Variants in DLGAP2 observed in about 807,000 individuals in gnomAD.
The protein encoded by DLGAP2 is DLG associated protein 2.
A neutral mutation model predicts 100.3 loss-of-function variants in DLGAP2; 26 were observed. The observed-to-expected ratio is 0.26, with a 90% confidence interval of 0.19 to 0.36. The LOEUF (loss-of-function observed/expected upper bound fraction) is 0.36. Ranked by LOEUF, DLGAP2 falls within the 10% of genes least tolerant of loss-of-function variation. The pLI is 1.00. For missense variants in DLGAP2, 1,858 were observed against 1,453.2 expected (o/e 1.28, Z -4.53); for synonymous variants, 886 against 630.1 (o/e 1.41, Z -6.08).
rs192217960 is a variant in DLGAP2 at position 1,503,690 on chromosome 8, A to G, written c.172+2259A>G. Among the ~76,000 whole-genome samples, 14 of 152,262 alleles carry G rather than the reference A, an allele frequency of 9.2e-5. No homozygotes were observed. The East Asian group carries it at 2.5e-3, about 27-fold the overall frequency. ...TGCTTCCTCGTTTTGAGGAACCTCC[A>G]CACTGCTTAGGGACAGGGTGTGCTT... On this transcript the variant is annotated intron_variant, in intron 4 of 14. Coordinates refer to ENST00000637795, the MANE Select transcript of DLGAP2 (RefSeq NM_001346810.2).
chr8:1,145,374 C>T (rs186958732), intron 2 of DLGAP2, among the ~76,000 whole-genome samples: 3 of 152,294 alleles, frequency 2.0e-5, no homozygotes, highest in East Asian at 3.9e-4. Flanking sequence ...TTGTTGGCTG[C>T]GGTTCCACTC....
intron 2 of DLGAP2, among the ~76,000 whole-genome samples, chr8:967,010 T>C (rs570414753): frequency 6.6e-6 from 1 of 152,262 alleles, no homozygotes; most frequent in East Asian, 1.9e-4. Context: ...ATATGGATGC[T>C]CCATCACATG....
intron 6 of DLGAP2, among the ~76,000 whole-genome samples, chr8:1,622,722 T>TA (rs897508834): frequency 1.2e-4 from 18 of 151,966 alleles, no homozygotes; most frequent in African/African-American, 2.9e-4. Flanking sequence ...TTTCACTATT[T>TA]AAAAAAAAAT....
chr8:845,335 T>C (rs1454907506), intron 1 of DLGAP2, among the ~76,000 whole-genome samples: 1 of 152,214 alleles, frequency 6.6e-6, no homozygotes. Flanking sequence ...CTATCCATCC[T>C]AAGTGGTGTG....
chr8:1,672,928 A>G (rs1222026713), intron 10 of DLGAP2, among the ~76,000 whole-genome samples: 1 of 152,224 alleles, frequency 6.6e-6, no homozygotes, highest in Non-Finnish European at 1.5e-5. Flanking sequence ...ACCCTGGCCC[A>G]GTATTACTAG....
chr8:1,160,316 G>A (rs1796865719), intron 2 of DLGAP2, among the ~76,000 whole-genome samples: 1 of 152,202 alleles, frequency 6.6e-6, no homozygotes, highest in African/African-American at 2.4e-5. Flanking sequence ...TGCCTGGTTA[G>A]CAGGGTCCTT....
At chr8:1,604,208 C>G (rs918144841) in intron 6 of DLGAP2, among the ~76,000 whole-genome samples, 2 of 152,074 alleles carry the variant, frequency 1.3e-5, no homozygotes, top group African/African-American at 4.8e-5. Flanking sequence ...TAGGTAACTG[C>G]GGGAGAAGGG....
At chr8:1,381,600 C>T (rs1427111570) in intron 3 of DLGAP2, among the ~76,000 whole-genome samples, 2 of 152,148 alleles carry the variant, frequency 1.3e-5, no homozygotes, top group African/African-American at 4.8e-5. Context: ...TGGGCCCTGG[C>T]GCCCACTCTT....
intron 3 of DLGAP2, among the ~76,000 whole-genome samples, chr8:1,418,588 G>A (rs912244025): frequency 2.6e-5 from 4 of 152,078 alleles, no homozygotes; most frequent in African/African-American, 7.2e-5. Flanking sequence ...ACTCCACTCC[G>A]ACGCCAAATA....
intron 5 of DLGAP2, among the ~76,000 whole-genome samples, chr8:1,561,052 G>A (rs555901098): frequency 1.3e-5 from 2 of 152,308 alleles, no homozygotes; most frequent in Middle Eastern, 3.4e-3. Context: ...GAATCATGGG[G>A]TGGGTCTTTC....
Position 987,151 on chromosome 8 carries a change from C to T in DLGAP2, c.73+79185C>T, listed in dbSNP as rs540575557. On this transcript the variant is annotated intron_variant, in intron 2 of 14. Transcript: ENST00000637795. Reference sequence around the variant, plus strand: ...TCCTGAATTCTCTCTGCTCTCCTTCCTATTCAGTGGTGCCACCGGAGGTTG... The same window carrying T: ...TCCTGAATTCTCTCTGCTCTCCTTCTTATTCAGTGGTGCCACCGGAGGTTG... 9.2e-5 allele frequency among the ~76,000 whole-genome samples: 14 copies of T among 152,256 alleles called. No homozygotes were observed. In the South Asian group the frequency reaches 2.9e-3, roughly 32 times the overall value.
intron 10 of DLGAP2, 122 bp downstream of exon 10, chr8:1,669,906 C>A: frequency 2.8e-6 from 2 of 717,454 alleles, no homozygotes; most frequent in Admixed American, 1.9e-5. Context: ...AGGCACTATG[C>A]TGGGTGCTCC....
intron 2 of DLGAP2, among the ~76,000 whole-genome samples, chr8:1,049,560 C>T (rs779221673): frequency 3.3e-5 from 5 of 152,006 alleles, no homozygotes; most frequent in Middle Eastern, 3.2e-3. Flanking sequence ...AAAGGTAGGG[C>T]GTATACAAAA....
chr8:1,224,980 A>G (rs945466904), intron 2 of DLGAP2, among the ~76,000 whole-genome samples: 1 of 152,250 alleles, frequency 6.6e-6, no homozygotes, highest in Non-Finnish European at 1.5e-5. Context: ...TGAAATCCTC[A>G]TATGTTGCTG....
intron 3 of DLGAP2, among the ~76,000 whole-genome samples, chr8:1,417,645 G>A (rs913419841): frequency 2.7e-5 from 4 of 149,078 alleles, no homozygotes; most frequent in African/African-American, 1.0e-4. Context: ...GGGGGCACGG[G>A]GAGCCCCACT....
At chr8:1,198,283 C>G (rs770474373) in intron 2 of DLGAP2, among the ~76,000 whole-genome samples, 2 of 152,128 alleles carry the variant, frequency 1.3e-5, no homozygotes, top group Non-Finnish European at 2.9e-5. Flanking sequence ...TTGTAAGCTT[C>G]AAGTTTGTGA....
intron 2 of DLGAP2, among the ~76,000 whole-genome samples, chr8:1,199,259 G>A (rs1299745092): frequency 2.0e-5 from 3 of 152,172 alleles, no homozygotes; most frequent in Admixed American, 6.5e-5. Flanking sequence ...AATAGATATC[G>A]TTGAAGACTC....
intron 3 of DLGAP2, among the ~76,000 whole-genome samples, chr8:1,473,033 C>G (rs888933724): frequency 6.6e-6 from 1 of 152,148 alleles, no homozygotes; most frequent in African/African-American, 2.4e-5. Flanking sequence ...CAGGTTCAAG[C>G]GATTCTCCTG....
At chr8:833,283 T>TA (rs1303814867) in intron 1 of DLGAP2, among the ~76,000 whole-genome samples, 1 of 152,204 alleles carries the variant, frequency 6.6e-6, no homozygotes, top group Non-Finnish European at 1.5e-5. Context: ...CTTTTTGCTG[T>TA]AACAAATTAC....
Sources: allele counts gnomAD v4.1 joint callset (sites outside exome capture counted in the v4.1 genomes callset), GRCh38; gene constraint gnomAD v4.1.1; transcripts MANE v1.5; gene names NCBI Gene and HGNC (gene_info 2026-07-23, HGNC 2026-07-21).